PCDHGA3: variants seen among roughly 807,000 people sequenced by gnomAD.
PCDHGA3 encodes protocadherin gamma subfamily A, 3.
Under a neutral mutation model 58.5 loss-of-function variants are expected in PCDHGA3, and 40 were observed. That is an observed-to-expected ratio of 0.68 (90% CI 0.53 to 0.89). The LOEUF (loss-of-function observed/expected upper bound fraction) is 0.89. PCDHGA3 is among the 40% of genes least tolerant of loss of function. PCDHGA3 has a pLI of 0.00. For synonymous variants in PCDHGA3, 530 were observed against 525.7 expected (o/e 1.01, Z -0.11); for missense variants, 1,223 against 1,195.9 (o/e 1.02, Z -0.33).
chr5:141,417,112 G>T (rs1399534957), intron 1 of PCDHGA3: 3 of 152,030 alleles, frequency 2.0e-5, no homozygotes, highest in African/African-American at 7.3e-5. Flanking sequence ...AGCAATACAG[G>T]ACACCCTGGA....
chr5:141,403,787 T>A (rs1213408515), intron 1 of PCDHGA3: 3 of 1,613,818 alleles, frequency 1.9e-6, no homozygotes, highest in Non-Finnish European at 2.5e-6. Flanking sequence ...AAAAGTGGCA[T>A]ACAAATTCTG....
At chr5:141,479,590 A>T (rs2099500448) in intron 1 of PCDHGA3, 1 of 152,182 alleles carries the variant, frequency 6.6e-6, no homozygotes, top group Non-Finnish European at 1.5e-5. Context: ...TAGCCACTGC[A>T]CTCCAGCCTA....
chr5:141,348,850 C>A (rs1758192958), intron 1 of PCDHGA3, among the ~76,000 whole-genome samples: 1 of 151,946 alleles, frequency 6.6e-6, no homozygotes, highest in South Asian at 2.1e-4. Context: ...GTGAGCACTG[C>A]AAAATAGTAG....
At chr5:141,357,099 G>A (rs1760468587) in intron 1 of PCDHGA3, 1 of 1,613,872 alleles carries the variant, frequency 6.2e-7, no homozygotes, top group Non-Finnish European at 8.5e-7. Flanking sequence ...GGGCCCTGCT[G>A]GACAGAGACG....
At chr5:141,380,706 T>C (rs1203086162) in intron 1 of PCDHGA3, among the ~76,000 whole-genome samples, 1 of 152,260 alleles carries the variant, frequency 6.6e-6, no homozygotes, top group Non-Finnish European at 1.5e-5. Context: ...GTCTATAATT[T>C]AATTTAACTA....
chr5:141,372,452 G>A (rs757526253), intron 1 of PCDHGA3: 14 of 1,613,920 alleles, frequency 8.7e-6, no homozygotes, highest in East Asian at 6.7e-5. Flanking sequence ...ACCCTCAGGC[G>A]GAGCTACAGT....
intron 1 of PCDHGA3, chr5:141,352,422 G>C (rs191134866): frequency 1.9e-6 from 3 of 1,613,936 alleles, no homozygotes. Flanking sequence ...GACACTGAGG[G>C]CTGCTTTCAA....
chr5:141,505,259 C>A, intron 2 of PCDHGA3, 134 bp from the exon 3 acceptor site: 1 of 1,500,262 alleles, frequency 6.7e-7, no homozygotes, highest in Non-Finnish European at 8.9e-7. Context: ...GTGCCTCCTA[C>A]CTTGCTGAGA....
At chr5:141,478,478 A>T (rs764926007) in intron 1 of PCDHGA3, 2 of 1,613,740 alleles carry the variant, frequency 1.2e-6, no homozygotes, top group East Asian at 4.5e-5. Flanking sequence ...CCGCCAGAAC[A>T]CGCTGCGGAG....
intron 1 of PCDHGA3, chr5:141,409,612 C>T: frequency 6.2e-7 from 1 of 1,613,908 alleles, no homozygotes; most frequent in Non-Finnish European, 8.5e-7. Flanking sequence ...CAGGAGCCTC[C>T]ATTGCGCAAG....
intron 1 of PCDHGA3, chr5:141,408,114 C>G: frequency 6.8e-7 from 1 of 1,461,086 alleles, no homozygotes; most frequent in East Asian, 2.5e-5. Flanking sequence ...CGGGACTCCT[C>G]CTGTCCTGGG....
intron 1 of PCDHGA3, chr5:141,427,003 T>C: frequency 2.2e-6 from 1 of 456,764 alleles, no homozygotes; most frequent in South Asian, 1.5e-5. Flanking sequence ...GCCCCAGTTT[T>C]TAGCCAGGAT....
intron 1 of PCDHGA3, among the ~76,000 whole-genome samples, chr5:141,460,270 C>T (rs1223096441): frequency 6.6e-6 from 1 of 151,828 alleles, no homozygotes; most frequent in Non-Finnish European, 1.5e-5. Context: ...TTTATTTTTT[C>T]TTTTATAGTT....
intron 1 of PCDHGA3, chr5:141,350,650 CG>C (rs1758529632): frequency 6.2e-7 from 1 of 1,613,902 alleles, no homozygotes; most frequent in Admixed American, 1.7e-5. Context: ...CACCACGTTT[CG>C]TTGCAAAAGG....
At position 141,384,450 on chromosome 5, in the gene PCDHGA3, G is replaced by A. The variant is rs756281053; in HGVS notation, c.2424+37993G>A. On this transcript the variant is annotated intron_variant, in intron 1 of 3. Coordinates refer to ENST00000253812, the MANE Select transcript of PCDHGA3 (RefSeq NM_018916.4). ...CTGACACTGGAGTCCTGTACGCGCT[G>A]CAATCCTTTGATTATGAGCAGTTGA... is the stretch of plus-strand genomic sequence containing the variant. 4 of 1,614,040 alleles carry A rather than the reference G, an allele frequency of 2.5e-6. No homozygotes were observed. In the Admixed American group the frequency reaches 6.7e-5, roughly 27 times the overall value.
At chr5:141,448,662 C>T (rs1242351797) in intron 1 of PCDHGA3, among the ~76,000 whole-genome samples, 1 of 151,980 alleles carries the variant, frequency 6.6e-6, no homozygotes, top group Non-Finnish European at 1.5e-5. Flanking sequence ...CCATATTGGC[C>T]GGGCGCGGTG....
At chr5:141,408,806 C>T in intron 1 of PCDHGA3, 1 of 1,613,010 alleles carries the variant, frequency 6.2e-7, no homozygotes, top group Non-Finnish European at 8.5e-7. Flanking sequence ...ACTCCTAGAC[C>T]GGGAAGAACA....
rs769679454 is a variant in PCDHGA3 at position 141,374,960 on chromosome 5, T to C, written c.2424+28503T>C. 15 of 1,614,060 alleles carry C rather than the reference T, an allele frequency of 9.3e-6. No homozygotes were observed. In the East Asian group the frequency reaches 1.6e-4, roughly 17 times the overall value. On this transcript the variant is annotated intron_variant, in intron 1 of 3. Coordinates refer to ENST00000253812, the MANE Select transcript of PCDHGA3 (RefSeq NM_018916.4). ...TACAGAAAAGATCTCACAAATTTTC[T>C]GTTTGAATGTTTTGACTGGAGAAAT...
At chr5:141,433,034 C>G (rs1357694242) in intron 1 of PCDHGA3, 2 of 1,614,184 alleles carry the variant, frequency 1.2e-6, no homozygotes, top group Non-Finnish European at 1.7e-6. Flanking sequence ...CGAGGTTTCC[C>G]TCACCACGGA....
Sources: allele counts gnomAD v4.1 joint callset (sites outside exome capture counted in the v4.1 genomes callset), GRCh38; gene constraint gnomAD v4.1.1; transcripts MANE v1.5; gene names NCBI Gene and HGNC (gene_info 2026-07-23, HGNC 2026-07-21).